HACL1: variants seen among roughly 807,000 people sequenced by gnomAD.
The protein encoded by HACL1 is 1600020H07Rik.
Under a neutral mutation model 74.2 loss-of-function variants are expected in HACL1, and 64 were observed. That is an observed-to-expected ratio of 0.86 (90% CI 0.70 to 1.06). The LOEUF (loss-of-function observed/expected upper bound fraction) is 1.06. Ranked by LOEUF, HACL1 falls within the 50% of genes least tolerant of loss-of-function variation. The probability of loss-of-function intolerance (pLI) is 0.00; values close to 1 mark genes in which losing one functional copy is unlikely to be tolerated. For missense variants in HACL1, 728 were observed against 719.7 expected (o/e 1.01, Z -0.13); for synonymous variants, 230 against 238.8 (o/e 0.96, Z 0.34).
intron 4 of HACL1, 79 bp downstream of exon 4, chr3:15,591,521 G>T: frequency 2.6e-6 from 2 of 756,688 alleles, no homozygotes; most frequent in South Asian, 1.7e-5. Flanking sequence ...TTCTACCCTA[G>T]ATCAGCATTA....
intron 11 of HACL1, among the ~76,000 whole-genome samples, chr3:15,572,657 G>A (rs1163059571): frequency 1.3e-5 from 2 of 152,206 alleles, no homozygotes; most frequent in Non-Finnish European, 2.9e-5. Context: ...AGTGATAAAT[G>A]TGACTATATT....
chr3:15,575,123 A>C (rs1467681114), intron 9 of HACL1, 41 bp from the exon 10 acceptor site: 3 of 999,862 alleles, frequency 3.0e-6, no homozygotes, highest in Non-Finnish European at 4.8e-6. Context: ...TACATTTCTT[A>C]TTTGAATTAT....
At chr3:15,596,175 A>G (rs2125292534) in intron 3 of HACL1, 1 of 517,628 alleles carries the variant, frequency 1.9e-6, no homozygotes. Context: ...GATTCACTCT[A>G]CAAAATGGCA....
Position 15,560,877 on chromosome 3 carries a change from G to A in HACL1, c.1725C>T (p.Arg575=), listed in dbSNP as rs1250791418. Residue 575 remains arginine, a synonymous_variant, in exon 17 of 17, where the codon CGC becomes CGT. Coordinates refer to ENST00000321169, the MANE Select transcript of HACL1 (RefSeq NM_012260.4). ...RKAQDFHWLT[R]SNM is the part of the protein sequence containing the mutation. The stretch of plus-strand genomic sequence containing the variant: ...CTGGCGTCTTTATTTACATATTAGA[G>A]CGGGTCAGCCAATGAAAATCCTAGA... 6 of 1,607,024 alleles carry A rather than the reference G, an allele frequency of 3.7e-6. No homozygotes were observed. The highest frequency in any genetic ancestry group is 1.7e-5 in the Admixed American group (1 of 59,544).
rs1428093654 is a variant in HACL1, at chr3:15,574,642, G to C, written c.909+335C>G. ...ACCTCACTCCCTAACAAGGCCAAAT[G>C]TTTTGTTCTAGTCTACCATCCTACT... On this transcript the variant is annotated intron_variant, in intron 10 of 16. Coordinates refer to ENST00000321169, the MANE Select transcript of HACL1 (RefSeq NM_012260.4). Among the ~76,000 whole-genome samples the C allele has an allele frequency of 2.0e-5, 3 of 152,168 alleles. No homozygotes were observed. The East Asian group carries it at 5.8e-4, about 29-fold the overall frequency.
At chr3:15,573,343 T>A in intron 10 of HACL1, 101 bp from the exon 11 acceptor site, 1 of 675,004 alleles carries the variant, frequency 1.5e-6, no homozygotes, top group African/African-American at 1.8e-5. Flanking sequence ...ATAGAACACA[T>A]GATAAAGAAG....
At chr3:15,586,465 T>G (rs2125267042) in intron 6 of HACL1, 60 bp downstream of exon 6, 2 of 854,766 alleles carry the variant, frequency 2.3e-6, no homozygotes, top group East Asian at 4.9e-5. Flanking sequence ...AAAATAACAG[T>G]AAGTATGAGC....
rs76465350 is a variant in HACL1, at chr3:15,568,153, C to T, written c.1251-151G>A. ...TCTTCAATATAAAATCTTTAGACTG[C>T]TAGGAACTAATTTGTCAAGGATAGA... On this transcript the variant is annotated intron_variant, in intron 13 of 16. Coordinates refer to ENST00000321169, the MANE Select transcript of HACL1 (RefSeq NM_012260.4). 3,837 of 759,602 alleles carry T rather than the reference C, an allele frequency of 5.1e-3. 95 individuals are homozygous for T. In the African/African-American group the frequency reaches 0.053, roughly 10 times the overall value. The allele number at this position is 759,602 out of a possible 1,614,324, so 47.1% of individuals were successfully genotyped here.
At chr3:15,568,114 A>G in intron 13 of HACL1, 112 bp from the exon 14 acceptor site, 1 of 910,708 alleles carries the variant, frequency 1.1e-6, no homozygotes, top group Non-Finnish European at 1.7e-6. Flanking sequence ...GAAGAACCAT[A>G]AAAACATTCT....
At chr3:15,576,791 C>G (rs73817020) in intron 9 of HACL1, among the ~76,000 whole-genome samples, 4,127 of 152,110 alleles carry the variant, frequency 0.027, 193 homozygotes, top group African/African-American at 0.092. Context: ...CTTTTGTCTT[C>G]TTCAGTGATA....
At chr3:15,569,523 A>G (rs2063487706) in intron 12 of HACL1, among the ~76,000 whole-genome samples, 1 of 151,710 alleles carries the variant, frequency 6.6e-6, no homozygotes, top group Non-Finnish European at 1.5e-5. Context: ...GTCTCTACTA[A>G]AAAAAATACA....
chr3:15,591,725 A>G (rs755515349), intron 3 of HACL1, 45 bp from the exon 4 acceptor site: 2 of 1,242,364 alleles, frequency 1.6e-6, no homozygotes, highest in Admixed American at 1.8e-5. Context: ...AAATGTAACA[A>G]CTGATTCATA....
At chr3:15,594,145 C>A (rs948843006) in intron 3 of HACL1, among the ~76,000 whole-genome samples, 4 of 152,150 alleles carry the variant, frequency 2.6e-5, no homozygotes, top group Admixed American at 2.6e-4. Context: ...CGGTGGCTGA[C>A]GTCTGTAATC....
At chr3:15,597,553 C>T (rs982246841) in intron 2 of HACL1, among the ~76,000 whole-genome samples, 1 of 146,638 alleles carries the variant, frequency 6.8e-6, no homozygotes, top group East Asian at 2.0e-4. Context: ...TAATGAATTG[C>T]GTATTTCCTA....
intron 15 of HACL1, among the ~76,000 whole-genome samples, chr3:15,563,838 A>G (rs2063387637): frequency 6.6e-6 from 1 of 152,234 alleles, no homozygotes; most frequent in Non-Finnish European, 1.5e-5. Context: ...GACTAAACTG[A>G]GGAACTAAAT....
At chr3:15,561,313 G>A (rs1287472425) in intron 16 of HACL1, among the ~76,000 whole-genome samples, 2 of 152,212 alleles carry the variant, frequency 1.3e-5, no homozygotes, top group Non-Finnish European at 2.9e-5. Flanking sequence ...CACAGGCACA[G>A]ATATAGGCAT....
At chr3:15,569,640 G>A (rs2063490452) in intron 12 of HACL1, among the ~76,000 whole-genome samples, 1 of 152,058 alleles carries the variant, frequency 6.6e-6, no homozygotes, top group South Asian at 2.1e-4. Flanking sequence ...TGACCAACAT[G>A]GAGAAGCTCT....
At chr3:15,599,753 G>A (rs1031406326) in intron 2 of HACL1, among the ~76,000 whole-genome samples, 1 of 152,124 alleles carries the variant, frequency 6.6e-6, no homozygotes, top group Non-Finnish European at 1.5e-5. Context: ...CACCTTCCAG[G>A]ACTGATCAAC....
In HACL1 at chr3:15,569,064, C is replaced by T. The variant is rs544855777; in HGVS notation, c.1096-478G>A. 2.0e-5 allele frequency among the ~76,000 whole-genome samples: 3 copies of T among 152,278 alleles called. No homozygotes were observed. In the East Asian group the frequency reaches 5.8e-4, roughly 29 times the overall value. ...AAAATCTAGTTTTTCCCCCAACACA[C>T]TTAAGAGTTAAAGGAGCTATCTTAC... On this transcript the variant is annotated intron_variant, in intron 12 of 16. Coordinates refer to ENST00000321169, the MANE Select transcript of HACL1 (RefSeq NM_012260.4).
Sources: gnomAD v4.1 joint callset for allele counts (sites outside exome capture counted in the v4.1 genomes callset) on GRCh38, gnomAD v4.1.1 for gene constraint, MANE v1.5 for transcripts, NCBI Gene and HGNC (gene_info 2026-07-23, HGNC 2026-07-21) for gene names.